Variants in MIPOL1 observed in about 807,000 individuals in gnomAD.
MIPOL1 encodes mirror-image polydactyly 1.
In MIPOL1, 57 loss-of-function variants were observed where a neutral mutation model predicts 60.9. The ratio of observed to expected loss-of-function variants is 0.94; its 90% CI spans 0.76 to 1.17. The LOEUF (loss-of-function observed/expected upper bound fraction) is 1.17, where lower values mean the gene tolerates loss of function less well. Among genes scored for constraint, MIPOL1 ranks in the 50% most tolerant of loss-of-function variants. The pLI, the probability that MIPOL1 is intolerant of heterozygous loss-of-function variation, is 0.00. For missense variants in MIPOL1, 551 were observed against 511.6 expected, an observed-to-expected ratio of 1.08 and a Z score of -0.74; for synonymous variants, 179 against 168.8, an observed-to-expected ratio of 1.06 and a Z score of -0.47.
intron 1 of MIPOL1, among the ~76,000 whole-genome samples, chr14:37,244,323 A>G (rs1414989321): frequency 1.3e-5 from 2 of 151,506 alleles, no homozygotes; most frequent in Non-Finnish European, 2.9e-5. Context: ...GGGTTTCACC[A>G]TGTTGGCCAG....
chr14:37,449,025 A>G (rs888937432), intron 11 of MIPOL1, among the ~76,000 whole-genome samples: 2 of 152,310 alleles, frequency 1.3e-5, no homozygotes, highest in African/African-American at 4.8e-5. Context: ...CTCAAGAACT[A>G]CCTTAAAATA....
intron 5 of MIPOL1, among the ~76,000 whole-genome samples, chr14:37,269,522 T>C (rs946511923): frequency 5.3e-5 from 8 of 152,104 alleles, no homozygotes; most frequent in Admixed American, 6.6e-5. Flanking sequence ...TAGGGAGGAA[T>C]TAAAAAAACA....
intron 9 of MIPOL1, among the ~76,000 whole-genome samples, chr14:37,315,100 A>T (rs1355923635): frequency 1.3e-5 from 2 of 152,166 alleles, no homozygotes; most frequent in Admixed American, 1.3e-4. Flanking sequence ...GGGTGGGATT[A>T]TCACTTTAAA....
intron 9 of MIPOL1, among the ~76,000 whole-genome samples, chr14:37,355,402 G>C (rs1349692976): frequency 1.4e-5 from 2 of 144,326 alleles, no homozygotes; most frequent in African/African-American, 2.6e-5. Flanking sequence ...TGCTCTTCTC[G>C]AGGAGTATCT....
chr14:37,506,749 G>C (rs976042644), intron 12 of MIPOL1: 1 of 152,092 alleles, frequency 6.6e-6, no homozygotes, highest in African/African-American at 2.4e-5. Flanking sequence ...TGACAAATGG[G>C]ATCTAATTAA....
rs190453165 is a variant in MIPOL1, at chr14:37,548,728, G to A, written c.*1757G>A. ...AAATCACAAGTAAATTTGAATTTTC[G>A]GTTTAATGTTGAAAGCAGATGAACT... is the stretch of plus-strand genomic sequence containing the variant. On this transcript the variant is annotated 3_prime_UTR_variant, in exon 13 of 13. Transcript: ENST00000684589. 5 of 151,962 alleles carry A rather than the reference G, an allele frequency of 3.3e-5. No individual in the cohort carries two copies. Among genetic ancestry groups the A allele is most frequent in the East Asian group, 1.9e-4 (1 of 5,180 alleles). The allele number at this position is 151,962 out of a possible 1,614,324, so 9.4% of individuals were successfully genotyped here.
At chr14:37,377,172 C>T (rs1223794999) in intron 10 of MIPOL1, among the ~76,000 whole-genome samples, 1 of 152,142 alleles carries the variant, frequency 6.6e-6, no homozygotes, top group Non-Finnish European at 1.5e-5. Context: ...CATTTATTTC[C>T]AGTCATACTC....
intron 7 of MIPOL1, among the ~76,000 whole-genome samples, chr14:37,304,839 A>G (rs918041553): frequency 1.3e-5 from 2 of 151,852 alleles, no homozygotes; most frequent in African/African-American, 2.4e-5. Flanking sequence ...CAAAATTCTT[A>G]CTAATTATCA....
At chr14:37,240,694 A>G (rs1450349618) in intron 1 of MIPOL1, 1 of 152,178 alleles carries the variant, frequency 6.6e-6, no homozygotes, top group Non-Finnish European at 1.5e-5. Context: ...TTCTGAAAAT[A>G]ATACTAGTTT....
intron 9 of MIPOL1, among the ~76,000 whole-genome samples, chr14:37,355,020 T>A (rs1014474132): frequency 4.5e-5 from 6 of 132,686 alleles, no homozygotes; most frequent in Non-Finnish European, 6.4e-5. Context: ...CTTTACATTT[T>A]GGCATGATTT....
At chr14:37,228,263 C>A (rs1366208140) in intron 1 of MIPOL1, among the ~76,000 whole-genome samples, 1 of 151,804 alleles carries the variant, frequency 6.6e-6, no homozygotes, top group Non-Finnish European at 1.5e-5. Flanking sequence ...TATTTCAAGA[C>A]AGTTGACACA....
intron 12 of MIPOL1, among the ~76,000 whole-genome samples, chr14:37,512,740 T>C (rs1373783044): frequency 3.9e-5 from 6 of 152,098 alleles, no homozygotes; most frequent in East Asian, 1.9e-4. Flanking sequence ...ATCCAAACAA[T>C]ATAAGTACTT....
intron 6 of MIPOL1, chr14:37,277,230 CTT>C (rs1421463271): frequency 2.6e-5 from 4 of 151,084 alleles, no homozygotes; most frequent in Middle Eastern, 3.1e-3. Flanking sequence ...TATCTAAAGA[CTT>C]TTTCACACGT....
At position 37,465,728 on chromosome 14, in the gene MIPOL1, A is replaced by G. The variant is rs112700572; in HGVS notation, c.1032-34180A>G. Among the ~76,000 whole-genome samples, 482 of 152,236 alleles carry G rather than the reference A, an allele frequency of 3.2e-3. 4 individuals are homozygous for G. Among genetic ancestry groups the G allele is most frequent in the Middle Eastern group, 0.031 (9 of 294 alleles). ...TATTAAAATTCCCACCTCGTAAGTCAGTCAATCTTTAGTAAGTGTCTTAAA... is the reference window on the plus strand; with the variant it reads ...TATTAAAATTCCCACCTCGTAAGTCGGTCAATCTTTAGTAAGTGTCTTAAA... On this transcript the variant is annotated intron_variant, in intron 11 of 12. Transcript: ENST00000684589.
chr14:37,300,322 C>A (rs1030315134), intron 7 of MIPOL1, among the ~76,000 whole-genome samples: 1 of 143,232 alleles, frequency 7.0e-6, no homozygotes, highest in Non-Finnish European at 1.5e-5. Context: ...TCTCTTTTCC[C>A]ATTTATTCAT....
intron 10 of MIPOL1, among the ~76,000 whole-genome samples, chr14:37,405,408 G>C (rs1348696798): frequency 2.0e-5 from 3 of 152,012 alleles, no homozygotes; most frequent in Admixed American, 6.6e-5. Flanking sequence ...CATTTTAATT[G>C]TCATCTCTTA....
At chr14:37,453,493 G>A (rs1482390224) in intron 11 of MIPOL1, among the ~76,000 whole-genome samples, 1 of 152,054 alleles carries the variant, frequency 6.6e-6, no homozygotes, top group Non-Finnish European at 1.5e-5. Flanking sequence ...TTGGAAGAAG[G>A]TATATTATGG....
chr14:37,519,636 C>G (rs2095397517), intron 12 of MIPOL1, among the ~76,000 whole-genome samples: 1 of 151,540 alleles, frequency 6.6e-6, no homozygotes, highest in Non-Finnish European at 1.5e-5. Flanking sequence ...CCTTGAATAC[C>G]CTATAAAAGA....
Position 37,367,823 on chromosome 14 carries a change from C to T in MIPOL1, c.829-1694C>T, listed in dbSNP as rs576959396. Among the ~76,000 whole-genome samples the T allele has an allele frequency of 7.9e-5, 12 of 151,910 alleles. 1 individual carries two copies. In the East Asian group the frequency reaches 1.2e-3, roughly 15 times the overall value. On this transcript the variant is annotated intron_variant, in intron 9 of 12. Coordinates refer to ENST00000684589, the MANE Select transcript of MIPOL1 (RefSeq NM_001388067.1). ...ATCTCTACTGTATCGTGAGTACACA[C>T]GATAGTACAGTTAGTGCTATGCCGT...
Sources: gnomAD v4.1 joint callset for allele counts (sites outside exome capture counted in the v4.1 genomes callset) on GRCh38, gnomAD v4.1.1 for gene constraint, MANE v1.5 for transcripts, NCBI Gene and HGNC (gene_info 2026-07-23, HGNC 2026-07-21) for gene names.